Variants in FARSB observed in about 807,000 individuals in gnomAD.
FARSB encodes phenylalanyl-tRNA synthetase subunit beta, also known as phenylalanine--tRNA ligase beta subunit.
A neutral mutation model predicts 69.6 loss-of-function variants in FARSB; 40 were observed. That is an observed-to-expected ratio of 0.57 (90% CI 0.45 to 0.75). FARSB has a LOEUF of 0.75. Among genes scored for constraint, FARSB ranks in the 30% least tolerant of loss-of-function variants. The probability of loss-of-function intolerance (pLI) is 0.00; values close to 1 mark genes in which losing one functional copy is unlikely to be tolerated. For missense variants in FARSB, 632 were observed against 722.9 expected, an observed-to-expected ratio of 0.87 and a Z score of 1.44; for synonymous variants, 235 against 247.2, an observed-to-expected ratio of 0.95 and a Z score of 0.46.
At chr2:222,591,615 T>C (rs1386250474) in intron 16 of FARSB, among the ~76,000 whole-genome samples, 1 of 152,228 alleles carries the variant, frequency 6.6e-6, no homozygotes, top group Non-Finnish European at 1.5e-5. Context: ...AACTTCTTCA[T>C]TTTCTACAAG....
At chr2:222,623,055 G>A (rs1192428955) in intron 13 of FARSB, among the ~76,000 whole-genome samples, 1 of 151,124 alleles carries the variant, frequency 6.6e-6, no homozygotes, top group African/African-American at 2.5e-5. Flanking sequence ...TACATTGCAG[G>A]CACCACAGAA....
chr2:222,633,502 G>A (rs1691492343), intron 6 of FARSB, among the ~76,000 whole-genome samples, 195 bp from the exon 7 acceptor site: 1 of 151,268 alleles, frequency 6.6e-6, no homozygotes, highest in Admixed American at 6.6e-5. Flanking sequence ...GACCAACATG[G>A]AGAAACCCCA....
At chr2:222,624,877 A>T in intron 10 of FARSB, 102 bp from the exon 11 acceptor site, 1 of 673,854 alleles carries the variant, frequency 1.5e-6, no homozygotes, top group Non-Finnish European at 2.5e-6. Context: ...TTCCCAAGAA[A>T]TTGTCATTAG....
intron 16 of FARSB, among the ~76,000 whole-genome samples, chr2:222,584,734 C>T (rs1236097970): frequency 3.9e-5 from 6 of 152,210 alleles, no homozygotes; most frequent in African/African-American, 1.2e-4. Flanking sequence ...CACGGAGCCT[C>T]GCTCACTGCT....
intron 15 of FARSB, among the ~76,000 whole-genome samples, chr2:222,604,722 A>ATTTTTTTTTTTTTT (rs56201038): frequency 1.4e-4 from 16 of 110,700 alleles, no homozygotes; most frequent in Admixed American, 2.2e-4. Context: ...TGCCCACTGA[A>ATTTTTTTTTTTTTT]TTTTTTTTTT....
At chr2:222,635,028 TAATTTC>T (rs1305548233) in intron 5 of FARSB, among the ~76,000 whole-genome samples, 1 of 152,220 alleles carries the variant, frequency 6.6e-6, no homozygotes, top group Non-Finnish European at 1.5e-5. Context: ...AATTTAATTT[TAATTTC>T]AACAGCTCTG....
At chr2:222,622,912 A>G (rs886734476) in intron 13 of FARSB, among the ~76,000 whole-genome samples, 2 of 152,228 alleles carry the variant, frequency 1.3e-5, no homozygotes, top group Non-Finnish European at 2.9e-5. Flanking sequence ...ATATTTATTA[A>G]GCAAACTAGA....
chr2:222,600,744 T>C (rs1177040073), intron 15 of FARSB, among the ~76,000 whole-genome samples: 1 of 152,176 alleles, frequency 6.6e-6, no homozygotes, highest in Non-Finnish European at 1.5e-5. Flanking sequence ...AGTAAGGTAA[T>C]GACTATGACC....
At chr2:222,646,876 C>T (rs1035207109) in intron 2 of FARSB, among the ~76,000 whole-genome samples, 2 of 152,334 alleles carry the variant, frequency 1.3e-5, no homozygotes, top group East Asian at 1.9e-4. Flanking sequence ...TCTCCTTCCA[C>T]GGTGCATTGT....
At position 222,631,622 on chromosome 2, in the gene FARSB, C is replaced by T. The variant is rs766300429; in HGVS notation, c.768G>A (p.Thr256=). 15 of 1,560,402 alleles carry T rather than the reference C, an allele frequency of 9.6e-6. No individual in the cohort carries two copies. The highest frequency in any genetic ancestry group is 8.9e-5 in the South Asian group (8 of 89,708). ...TACTTACCTTAGTAAAGTCAGTTCC[C>T]GTGCATTCAATAAAAATATTTCTAG... ...VNTRNIFIEC[T]GTDFTKAKIV... The change falls in exon 8 of 17, where the codon ACG becomes ACA. Residue 256 remains threonine, a synonymous_variant. Transcript: ENST00000281828.
chr2:222,614,822 G>A (rs923201428), intron 14 of FARSB, among the ~76,000 whole-genome samples: 2 of 152,138 alleles, frequency 1.3e-5, no homozygotes, highest in African/African-American at 4.8e-5. Flanking sequence ...CTAGGCAACA[G>A]AGAACCTGTC....
intron 16 of FARSB, among the ~76,000 whole-genome samples, chr2:222,593,511 G>C (rs79916070): frequency 6.6e-6 from 1 of 152,066 alleles, no homozygotes; most frequent in African/African-American, 2.4e-5. Context: ...CTTAGGCTCT[G>C]ATAATTAAAC....
chr2:222,596,796 C>T (rs1211794683), intron 16 of FARSB, among the ~76,000 whole-genome samples: 4 of 151,800 alleles, frequency 2.6e-5, no homozygotes, highest in Non-Finnish European at 4.4e-5. Flanking sequence ...TATGTGTGTA[C>T]GTGTGTGTGT....
At position 222,570,667 on chromosome 2, in the gene FARSB, C is replaced by T. The variant is rs952855082; in HGVS notation, c.*1204G>A. The T allele has an allele frequency of 1.3e-5, 2 of 151,950 alleles. No homozygotes were observed. The highest frequency in any genetic ancestry group is 4.8e-5 in the African/African-American group (2 of 41,342). 9.4% of individuals were successfully genotyped at this position (151,950 alleles called of 1,614,324 possible). A position where few individuals can be genotyped will look rare whatever the true frequency, so the allele number is the denominator to read the frequency against. On this transcript the variant is annotated 3_prime_UTR_variant, in exon 17 of 17. Transcript: ENST00000281828. ...CCTCCCAGGTAGCTGGGACTGCAGG[C>T]CCACACCACCATGCCTGGCTAATTT...
intron 9 of FARSB, 33 bp downstream of exon 9, chr2:222,630,080 T>TG: frequency 1.5e-6 from 2 of 1,311,196 alleles, no homozygotes. Context: ...TTCAGAACAA[T>TG]GGGCCATCAA....
chr2:222,641,474 C>CA (rs1469459027), intron 3 of FARSB, among the ~76,000 whole-genome samples: 3 of 152,194 alleles, frequency 2.0e-5, no homozygotes, highest in Non-Finnish European at 4.4e-5. Flanking sequence ...CAGTGCTTCT[C>CA]AAATTTCAAT....
intron 2 of FARSB, among the ~76,000 whole-genome samples, chr2:222,647,287 C>G (rs549726309): frequency 1.3e-5 from 2 of 152,284 alleles, no homozygotes; most frequent in South Asian, 4.1e-4. Context: ...CTAGCCTCTG[C>G]TCGGAGGTCA....
intron 16 of FARSB, among the ~76,000 whole-genome samples, chr2:222,596,070 T>A (rs1481228509): frequency 6.6e-6 from 1 of 152,196 alleles, no homozygotes; most frequent in Non-Finnish European, 1.5e-5. Flanking sequence ...TCTTATTCTG[T>A]CATCAACTTG....
At chr2:222,633,049 A>T in intron 7 of FARSB, 150 bp downstream of exon 7, 1 of 592,304 alleles carries the variant, frequency 1.7e-6, no homozygotes, top group Non-Finnish European at 3.0e-6. Context: ...TAAATGAATG[A>T]AAAGAATGAT....
Sources: gnomAD v4.1 joint callset for allele counts (sites outside exome capture counted in the v4.1 genomes callset) on GRCh38, gnomAD v4.1.1 for gene constraint, MANE v1.5 for transcripts, NCBI Gene and HGNC (gene_info 2026-07-23, HGNC 2026-07-21) for gene names.